GMDS: variants seen among roughly 807,000 people sequenced by gnomAD.
GMDS encodes the protein GDP-mannose 4,6-dehydratase.
A neutral mutation model predicts 49.9 loss-of-function variants in GMDS; 20 were observed. The ratio of observed to expected loss-of-function variants is 0.40; its 90% CI spans 0.28 to 0.58. The LOEUF (loss-of-function observed/expected upper bound fraction) is 0.58, where lower values mean the gene tolerates loss of function less well. GMDS is among the 20% of genes least tolerant of loss of function. The pLI is 0.42. For synonymous variants in GMDS, 177 were observed against 178.6 expected, an observed-to-expected ratio of 0.99 and a Z score of 0.07; for missense variants, 362 against 481.4, an observed-to-expected ratio of 0.75 and a Z score of 2.32.
intron 7 of GMDS, among the ~76,000 whole-genome samples, chr6:1,873,264 T>C (rs1178048475): frequency 6.6e-6 from 1 of 152,242 alleles, no homozygotes; most frequent in Non-Finnish European, 1.5e-5. Flanking sequence ...CATTGCAACA[T>C]TGCTGCCTGT....
chr6:1,765,752 C>T (rs1768325861), intron 7 of GMDS, among the ~76,000 whole-genome samples: 1 of 152,156 alleles, frequency 6.6e-6, no homozygotes, highest in Non-Finnish European at 1.5e-5. Flanking sequence ...TCCATGAAAA[C>T]ATGTCCTGTG....
chr6:1,719,549 AG>A (rs1766294296), intron 9 of GMDS, among the ~76,000 whole-genome samples: 1 of 152,116 alleles, frequency 6.6e-6, no homozygotes. Flanking sequence ...CCATGAACAC[AG>A]ATTTTTGGAT....
intron 9 of GMDS, among the ~76,000 whole-genome samples, chr6:1,705,377 G>A (rs983243519): frequency 6.6e-6 from 1 of 152,216 alleles, no homozygotes; most frequent in Non-Finnish European, 1.5e-5. Context: ...TTGTCCTGGT[G>A]CTGCCTCTGT....
rs186699322 is a variant in GMDS at position 1,905,892 on chromosome 6, T to A, written c.771+24211A>T. Among the ~76,000 whole-genome samples, 103 of 73,438 alleles carry A rather than the reference T, an allele frequency of 1.4e-3. 9 individuals carry two copies. Among genetic ancestry groups the A allele is most frequent in the Middle Eastern group, 0.014 (2 of 144 alleles). 48.2% of individuals were successfully genotyped at this position (73,438 alleles called of 152,430 possible). A position where few individuals can be genotyped will look rare whatever the true frequency, so the allele number is the denominator to read the frequency against. On this transcript the variant is annotated intron_variant, in intron 7 of 10. Transcript: ENST00000380815. ...GTGCTGGCATGTGACAATAACCCCA[T>A]AGGCCATCTGGGAACACGTATGCAG...
chr6:1,984,440 T>C (rs1765420054), intron 4 of GMDS, among the ~76,000 whole-genome samples: 1 of 129,538 alleles, frequency 7.7e-6, no homozygotes, highest in African/African-American at 3.0e-5. Context: ...CAGTGAGTAA[T>C]CTAATGAGAG....
intron 9 of GMDS, among the ~76,000 whole-genome samples, chr6:1,723,504 C>G (rs1465134701): frequency 2.6e-5 from 4 of 151,152 alleles, no homozygotes; most frequent in African/African-American, 9.7e-5. Context: ...TTTTTTGTAT[C>G]TTTTTTAGTA....
intron 1 of GMDS, among the ~76,000 whole-genome samples, chr6:2,205,807 T>G (rs1042918652): frequency 1.3e-5 from 2 of 152,070 alleles, no homozygotes; most frequent in African/African-American, 4.8e-5. Context: ...TAGGCTTTTG[T>G]GTGTAAGTGT....
chr6:2,142,145 G>A (rs887927851), intron 1 of GMDS, among the ~76,000 whole-genome samples: 14 of 152,160 alleles, frequency 9.2e-5, no homozygotes, highest in African/African-American at 3.1e-4. Flanking sequence ...TCAATTTTAC[G>A]TTTTTGTCCC....
intron 4 of GMDS, among the ~76,000 whole-genome samples, chr6:2,053,634 G>A (rs571432907): frequency 2.0e-5 from 3 of 152,124 alleles, no homozygotes; most frequent in Non-Finnish European, 4.4e-5. Context: ...AATTGTAGAA[G>A]AGTGAGACAT....
chr6:1,936,724 T>C (rs1762563343), intron 6 of GMDS, among the ~76,000 whole-genome samples: 1 of 152,180 alleles, frequency 6.6e-6, no homozygotes, highest in Non-Finnish European at 1.5e-5. Context: ...CCCAACACTT[T>C]GGGAGGCTGA....
At chr6:1,789,463 A>G (rs1238240253) in intron 7 of GMDS, among the ~76,000 whole-genome samples, 2 of 152,204 alleles carry the variant, frequency 1.3e-5, no homozygotes, top group African/African-American at 4.8e-5. Context: ...AATCAGGACA[A>G]AGGCCAAATT....
At position 1,778,370 on chromosome 6, in the gene GMDS, C is replaced by T. The variant is rs1768926823; in HGVS notation, c.772-35784G>A. 6.6e-6 allele frequency among the ~76,000 whole-genome samples: 1 copy of T among 152,132 alleles called. No individual in the cohort carries two copies. The highest frequency in any genetic ancestry group is 2.4e-5 in the African/African-American group (1 of 41,424). On this transcript the variant is annotated intron_variant, in intron 7 of 10. Transcript: ENST00000380815. The surrounding 1 kb of genome is among the most constrained non-coding windows in gnomAD (Gnocchi z 4.6). ...TACTGATTGAAGTCAATTATTATAA[C>T]ACCTGAAAGATAAATGAGCTGATGT...
intron 7 of GMDS, among the ~76,000 whole-genome samples, chr6:1,786,315 G>A (rs1489500554): frequency 6.6e-6 from 1 of 152,246 alleles, no homozygotes; most frequent in Non-Finnish European, 1.5e-5. Context: ...AAAGCATCCA[G>A]GAGGTCTAGA....
chr6:2,044,928 A>T (rs1399449689), intron 4 of GMDS, among the ~76,000 whole-genome samples: 17 of 151,954 alleles, frequency 1.1e-4, no homozygotes, highest in African/African-American at 3.9e-4. Context: ...ATAACTTTAC[A>T]ATTCGATTAG....
intron 7 of GMDS, among the ~76,000 whole-genome samples, chr6:1,785,559 C>A (rs962873809): frequency 6.6e-6 from 1 of 152,180 alleles, no homozygotes. Context: ...CCACGTGGGC[C>A]CCCTTGGGCA....
chr6:1,686,459 C>T (rs2113323651), intron 9 of GMDS, among the ~76,000 whole-genome samples: 1 of 152,300 alleles, frequency 6.6e-6, no homozygotes, highest in Admixed American at 6.5e-5. Context: ...GGATCTCTGA[C>T]ACTTTGGCCA....
chr6:1,665,386 A>G (rs1168004521), intron 9 of GMDS, among the ~76,000 whole-genome samples: 1 of 152,186 alleles, frequency 6.6e-6, no homozygotes, highest in Non-Finnish European at 1.5e-5. Context: ...ATGTATAACC[A>G]TGATTGCTTT....
chr6:1,943,386 T>G (rs551417452), intron 6 of GMDS, among the ~76,000 whole-genome samples: 1 of 152,238 alleles, frequency 6.6e-6, no homozygotes, highest in African/African-American at 2.4e-5. Context: ...ATCTTCAGTT[T>G]ACTCACCTCA....
chr6:2,037,763 G>A (rs921758263), intron 4 of GMDS, among the ~76,000 whole-genome samples: 28 of 152,102 alleles, frequency 1.8e-4, no homozygotes, highest in Admixed American at 6.6e-5. Flanking sequence ...CGCTCAAGCC[G>A]CACTTTCCTT....
Sources: gnomAD v4.1 joint callset for allele counts (sites outside exome capture counted in the v4.1 genomes callset) on GRCh38, gnomAD v4.1.1 for gene constraint, Gnocchi (gnomAD v3.1) non-coding constraint, MANE v1.5 for transcripts, NCBI Gene and HGNC (gene_info 2026-07-23, HGNC 2026-07-21) for gene names.